NID2: variants seen among roughly 807,000 people sequenced by gnomAD.
The protein encoded by NID2 is nidogen 2.
NID2 carries 83 observed loss-of-function variants against 145.4 expected under a neutral mutation model. That is an observed-to-expected ratio of 0.57 (90% confidence interval 0.48 to 0.69). The LOEUF is 0.69. Ranked by LOEUF, NID2 falls within the 30% of genes least tolerant of loss-of-function variation. The pLI is 0.00. For synonymous variants in NID2, 739 were observed against 701.3 expected, an observed-to-expected ratio of 1.05 and a Z score of -0.85; for missense variants, 1,807 against 1,765.7, an observed-to-expected ratio of 1.02 and a Z score of -0.42.
Position 52,005,404 on chromosome 14 carries a change from A to T in NID2, c.*82T>A. 1.5e-6 allele frequency: 2 copies of T among 1,358,302 alleles called. No individual in the cohort carries two copies. The highest frequency in any genetic ancestry group is 9.8e-7 in the Non-Finnish European group (1 of 1,016,676). 84.1% of individuals were successfully genotyped at this position (1,358,302 alleles called of 1,614,324 possible). On this transcript the variant is annotated 3_prime_UTR_variant, in exon 22 of 22. Coordinates refer to ENST00000216286, the MANE Select transcript of NID2 (RefSeq NM_007361.4). ...ACGTCTAATGGCCAATTCCTTTTTTACTTTCTTTGCCTTTGCAGTCACTGT... is the reference window on the plus strand; with the variant it reads ...ACGTCTAATGGCCAATTCCTTTTTTTCTTTCTTTGCCTTTGCAGTCACTGT...
intron 9 of NID2, among the ~76,000 whole-genome samples, chr14:52,036,851 G>GT (rs1200483915): frequency 3.1e-5 from 3 of 95,250 alleles, no homozygotes; most frequent in Non-Finnish European, 6.1e-5. Flanking sequence ...TAGTTAGCTT[G>GT]TTTTTTTATT....
chr14:52,023,799 G>A (rs1427016967), intron 12 of NID2, among the ~76,000 whole-genome samples: 1 of 152,242 alleles, frequency 6.6e-6, no homozygotes, highest in Non-Finnish European at 1.5e-5. Context: ...CCTGGCTAGT[G>A]ACTCAGACCA....
chr14:52,011,950 A>G (rs111596068), intron 16 of NID2: 233 of 370,752 alleles, frequency 6.3e-4, no homozygotes, highest in African/African-American at 3.1e-3. Flanking sequence ...TATGGTTGCT[A>G]TAAAAATTAA....
rs755686365 is a variant in NID2, at chr14:52,005,715, C to G, written c.4117+22G>C. 4 of 1,565,946 alleles carry G rather than the reference C, an allele frequency of 2.6e-6. No homozygotes were observed. In the South Asian group the frequency reaches 3.3e-5, roughly 13 times the overall value. On this transcript the variant is annotated intron_variant, in intron 21 of 21. Transcript: ENST00000216286. ...TCTCTACCCTGCTAATTTAAAGGAGCATCCTAAAGCATACTTTTTACCTGT... is the reference window on the plus strand; with the variant it reads ...TCTCTACCCTGCTAATTTAAAGGAGGATCCTAAAGCATACTTTTTACCTGT...
chr14:52,039,072 G>T, intron 8 of NID2, 95 bp from the exon 9 acceptor site: 1 of 881,772 alleles, frequency 1.1e-6, no homozygotes, highest in Non-Finnish European at 1.7e-6. Flanking sequence ...TCTAATTCTT[G>T]GAGTGTGTTC....
At chr14:52,027,418 T>C (rs1374788611) in intron 11 of NID2, 74 bp from the exon 12 acceptor site, 1 of 1,313,246 alleles carries the variant, frequency 7.6e-7, no homozygotes, top group Non-Finnish European at 1.0e-6. Flanking sequence ...CATGGCATGA[T>C]CCACAGACCA....
chr14:52,057,335 C>A (rs944939835), intron 3 of NID2, among the ~76,000 whole-genome samples: 3 of 152,128 alleles, frequency 2.0e-5, no homozygotes, highest in Non-Finnish European at 4.4e-5. Context: ...CTTGCCCAGC[C>A]TAACTTTACC....
chr14:52,038,400 T>C (rs1368015601), intron 9 of NID2, among the ~76,000 whole-genome samples: 1 of 152,218 alleles, frequency 6.6e-6, no homozygotes, highest in Non-Finnish European at 1.5e-5. Context: ...AGTGCCCTGC[T>C]CTCATCACAC....
chr14:52,012,320 G>A (rs765604390), intron 16 of NID2, among the ~76,000 whole-genome samples: 1 of 152,206 alleles, frequency 6.6e-6, no homozygotes, highest in African/African-American at 2.4e-5. Context: ...TAAAGAAAGT[G>A]TAGTCAGGCA....
intron 12 of NID2, among the ~76,000 whole-genome samples, chr14:52,023,676 A>G (rs1891479484): frequency 6.6e-6 from 1 of 152,104 alleles, no homozygotes; most frequent in Non-Finnish European, 1.5e-5. Flanking sequence ...AGTCACAACA[A>G]TCCAAAAGGA....
intron 2 of NID2, among the ~76,000 whole-genome samples, chr14:52,063,224 G>C (rs900617716): frequency 1.3e-5 from 2 of 152,198 alleles, no homozygotes; most frequent in Non-Finnish European, 2.9e-5. Flanking sequence ...AGCCGCACAG[G>C]CTCTGTCTCC....
In NID2 at chr14:52,014,278, C is replaced by G; in HGVS notation, c.3420+9G>C. 1 of 1,614,226 alleles carries G rather than the reference C, an allele frequency of 6.2e-7. No homozygotes were observed. The highest frequency in any genetic ancestry group is 8.5e-7 in the Non-Finnish European group (1 of 1,180,046). On this transcript the variant is annotated intron_variant, in intron 16 of 21. Coordinates refer to ENST00000216286, the MANE Select transcript of NID2 (RefSeq NM_007361.4). The stretch of plus-strand genomic sequence containing the variant: ...CAGCCCTGCCCCCTACAGGAGAAAT[C>G]CACTTTACATGCAGAGACAGCAGGG...
At chr14:52,059,839 A>T (rs888637375) in intron 3 of NID2, among the ~76,000 whole-genome samples, 1 of 152,238 alleles carries the variant, frequency 6.6e-6, no homozygotes, top group Non-Finnish European at 1.5e-5. Context: ...ATGTGGTTCC[A>T]AGAGCAATGT....
Position 52,042,247 on chromosome 14 carries a change from A to G in NID2, c.1683T>C (p.Asn561=), listed in dbSNP as rs1351541826. The G allele has an allele frequency of 2.5e-6, 4 of 1,614,044 alleles. No individual in the cohort carries two copies. Among genetic ancestry groups the G allele is most frequent in the Admixed American group, 3.3e-5 (2 of 60,004 alleles). ...DVDLHAYIVG[N]DGRAYTAISH... ...TGATGGCCGTGTAGGCTCTGCCATCATTGCCCACGATATACGCATGCAGGT... is the reference window on the plus strand; with the variant it reads ...TGATGGCCGTGTAGGCTCTGCCATCGTTGCCCACGATATACGCATGCAGGT... The change falls in exon 7 of 22, where the codon AAT becomes AAC. Residue 561 remains asparagine, a synonymous_variant. Transcript: ENST00000216286.
chr14:52,059,716 C>T (rs1391112332), intron 3 of NID2, among the ~76,000 whole-genome samples: 1 of 152,208 alleles, frequency 6.6e-6, no homozygotes, highest in Non-Finnish European at 1.5e-5. Flanking sequence ...AATTACATTG[C>T]TCAATTTAAT....
intron 15 of NID2, among the ~76,000 whole-genome samples, 153 bp from the exon 16 acceptor site, chr14:52,014,609 C>A (rs1292331012): frequency 6.6e-6 from 1 of 152,048 alleles, no homozygotes; most frequent in Non-Finnish European, 1.5e-5. Flanking sequence ...AAAAGAAATT[C>A]TAATTTCTAG....
chr14:52,030,903 G>A (rs1167916275), intron 9 of NID2, among the ~76,000 whole-genome samples: 1 of 152,166 alleles, frequency 6.6e-6, no homozygotes, highest in East Asian at 1.9e-4. Flanking sequence ...GAGCATTTAT[G>A]TGTGAGGCAT....
At chr14:52,045,063 C>T (rs74049377) in intron 5 of NID2, among the ~76,000 whole-genome samples, 22 of 152,124 alleles carry the variant, frequency 1.4e-4, no homozygotes, top group African/African-American at 4.1e-4. Flanking sequence ...CTACTCTCCA[C>T]GACCCCTTCA....
At chr14:52,006,803 ACCTGT>A (rs1754386277) in intron 19 of NID2, 143 bp from the exon 20 acceptor site, 2 of 820,958 alleles carry the variant, frequency 2.4e-6, no homozygotes, top group Non-Finnish European at 3.8e-6. Context: ...CTGTAAAATT[ACCTGT>A]CCTATTACTA....
Sources: gnomAD v4.1 joint callset for allele counts (sites outside exome capture counted in the v4.1 genomes callset) on GRCh38, gnomAD v4.1.1 for gene constraint, MANE v1.5 for transcripts, NCBI Gene and HGNC (gene_info 2026-07-23, HGNC 2026-07-21) for gene names.